The following MPHOSPH9 variants were observed in gnomAD, a reference collection of about 807,000 sequenced individuals.
MPHOSPH9 encodes the protein M-phase phosphoprotein 9.
In MPHOSPH9, 88 loss-of-function variants were observed where a neutral mutation model predicts 145.5. The ratio of observed to expected loss-of-function variants is 0.60; its 90% CI spans 0.51 to 0.72. MPHOSPH9 has a LOEUF of 0.72. MPHOSPH9 is among the 30% of genes least tolerant of loss of function. MPHOSPH9 has a pLI of 0.00. For synonymous variants in MPHOSPH9, 435 were observed against 486.2 expected (o/e 0.89, Z 1.39); for missense variants, 1,238 against 1,386.6 (o/e 0.89, Z 1.70).
At chr12:123,183,152 C>T (rs1374402078) in intron 13 of MPHOSPH9, among the ~76,000 whole-genome samples, 2 of 151,906 alleles carry the variant, frequency 1.3e-5, no homozygotes, top group Admixed American at 6.6e-5. Flanking sequence ...TTCTCTTCAC[C>T]CTCAGAGTCC....
chr12:123,193,144 C>T (rs1157884192), intron 13 of MPHOSPH9, among the ~76,000 whole-genome samples: 1 of 144,038 alleles, frequency 6.9e-6, no homozygotes, highest in African/African-American at 2.6e-5. Flanking sequence ...CACACACACA[C>T]ACACACGAAC....
chr12:123,185,885 G>T (rs576148509), intron 13 of MPHOSPH9, among the ~76,000 whole-genome samples: 1 of 152,198 alleles, frequency 6.6e-6, no homozygotes, highest in Non-Finnish European at 1.5e-5. Context: ...TTACATATTA[G>T]TATTATATCA....
intron 10 of MPHOSPH9, 127 bp downstream of exon 10, chr12:123,202,497 T>C: frequency 8.3e-7 from 1 of 1,210,736 alleles, no homozygotes; most frequent in Non-Finnish European, 1.1e-6. Context: ...AAAGTTTTTA[T>C]ATGCTCCATC....
chr12:123,234,230 G>A (rs1000452532), upstream of MPHOSPH9, among the ~76,000 whole-genome samples: 1 of 152,134 alleles, frequency 6.6e-6, no homozygotes, highest in Non-Finnish European at 1.5e-5. Context: ...TTTACCTCCA[G>A]GAGTTCTGGC....
At chr12:123,183,914 G>A (rs1002288562) in intron 13 of MPHOSPH9, among the ~76,000 whole-genome samples, 1 of 152,080 alleles carries the variant, frequency 6.6e-6, no homozygotes, top group African/African-American at 2.4e-5. Flanking sequence ...AAATGACAAA[G>A]TAAAAGACTT....
chr12:123,198,513 G>A (rs947795489), intron 11 of MPHOSPH9, among the ~76,000 whole-genome samples, 179 bp from the exon 12 acceptor site: 1 of 151,948 alleles, frequency 6.6e-6, no homozygotes, highest in Non-Finnish European at 1.5e-5. Flanking sequence ...AGTATGTAGA[G>A]AAAAGGCTAA....
At chr12:123,152,689 G>A (rs1345078731), downstream of MPHOSPH9, 2 of 417,992 alleles carry the variant, frequency 4.8e-6, no homozygotes, top group Non-Finnish European at 9.6e-6. Context: ...AGAATACTGG[G>A]GTAGTAGTTT....
At chr12:123,192,095 C>T (rs1036745069) in intron 13 of MPHOSPH9, among the ~76,000 whole-genome samples, 3 of 152,152 alleles carry the variant, frequency 2.0e-5, no homozygotes, top group Non-Finnish European at 4.4e-5. Context: ...CACCACAGTA[C>T]ATGCTTCTTT....
chr12:123,221,915 G>C lies in MPHOSPH9; in HGVS notation c.349-20C>G. On this transcript the variant is annotated intron_variant, in intron 4 of 23. Coordinates refer to ENST00000606320, the MANE Select transcript of MPHOSPH9 (RefSeq NM_022782.4). ...TATATGCTGGAAATAAAAAGTTATA[G>C]ATTTGGGTAAGAAAGTATATTAAAC... 7.3e-7 allele frequency: 1 copy of C among 1,368,366 alleles called. No individual in the cohort carries two copies. 84.8% of individuals were successfully genotyped at this position (1,368,366 alleles called of 1,614,324 possible). A position where few individuals can be genotyped will look rare whatever the true frequency, so the allele number is the denominator to read the frequency against.
At chr12:123,164,138 C>T (rs1456942347) in intron 18 of MPHOSPH9, 48 bp from the exon 19 acceptor site, 1 of 1,610,224 alleles carries the variant, frequency 6.2e-7, no homozygotes, top group Non-Finnish European at 8.5e-7. Context: ...TCAAAACAAG[C>T]CTACGCTTCA....
chr12:123,202,279 C>T lies in MPHOSPH9; in HGVS notation c.1822G>A (p.Ala608Thr). 1 of 1,611,912 alleles carries T rather than the reference C, an allele frequency of 6.2e-7. No homozygotes were observed. Among genetic ancestry groups the T allele is most frequent in the Non-Finnish European group, 8.5e-7 (1 of 1,179,546 alleles). The change falls in exon 11 of 24, where the codon GCA becomes ACA. Residue 608 changes from alanine (A) to threonine (T), a missense_variant. Physicochemically the swap from Ala to Thr is moderately conservative, Grantham distance 58 (BLOSUM62 0). This residue lies in a region of MPHOSPH9 where 837 missense variants were observed against 897.5 expected (regional missense o/e 0.93). Coordinates refer to ENST00000606320, the MANE Select transcript of MPHOSPH9 (RefSeq NM_022782.4). ...GATTCATAATAAGCTCGAAGATCTG[C>T]TATGTGTCGAGCATGCTTTTCCTTC... ...NLKEKHARHI[A>T]DLRAYYESEI...
chr12:123,183,381 C>A (rs2045281778), intron 13 of MPHOSPH9, among the ~76,000 whole-genome samples: 1 of 151,652 alleles, frequency 6.6e-6, no homozygotes, highest in Non-Finnish European at 1.5e-5. Flanking sequence ...AACCCCGTCT[C>A]TACTAAAAAT....
At chr12:123,179,780 T>C in intron 15 of MPHOSPH9, 146 bp downstream of exon 15, 1 of 431,266 alleles carries the variant, frequency 2.3e-6, no homozygotes, top group Non-Finnish European at 4.1e-6. Context: ...ATGAAACCTA[T>C]TTCCATGTCA....
rs1491529187 is a variant in MPHOSPH9, at chr12:123,193,110, C to CAT, written c.2241+1275_2241+1276insAT. On this transcript the variant is annotated intron_variant, in intron 13 of 23. Coordinates refer to ENST00000606320, the MANE Select transcript of MPHOSPH9 (RefSeq NM_022782.4). ...AAAAAAAAAAAAATATATATATATA[C>CAT]ACACACACACACACACACACACACA... Among the ~76,000 whole-genome samples, 74 of 45,492 alleles carry CAT rather than the reference C, an allele frequency of 1.6e-3. 1 individual carries two copies. The highest frequency in any genetic ancestry group is 4.4e-3 in the African/African-American group (71 of 16,304). The allele number at this position is 45,492 out of a possible 152,430, so 29.8% of individuals were successfully genotyped here.
chr12:123,196,616 G>A (rs925237684), intron 12 of MPHOSPH9, among the ~76,000 whole-genome samples: 16 of 152,196 alleles, frequency 1.1e-4, no homozygotes, highest in East Asian at 1.9e-4. Context: ...TTGGTAATGC[G>A]TGGGGAAAAA....
At chr12:123,219,502 G>A (rs1048207702) in intron 5 of MPHOSPH9, among the ~76,000 whole-genome samples, 1 of 145,210 alleles carries the variant, frequency 6.9e-6, no homozygotes, top group Admixed American at 7.0e-5. Flanking sequence ...GCAGTGAGCC[G>A]AGATTGCGCC....
chr12:123,184,921 T>C (rs1716159), intron 13 of MPHOSPH9, among the ~76,000 whole-genome samples: 98,171 of 152,062 alleles, frequency 0.65, 36,269 homozygotes, highest in East Asian at 1. Context: ...CTCATGCTTC[T>C]GCCTCCCGAG....
Position 123,200,362 on chromosome 12 carries a change from A to G in MPHOSPH9, c.1937+1802T>C, listed in dbSNP as rs562402126. On this transcript the variant is annotated intron_variant, in intron 11 of 23. Transcript: ENST00000606320. ...TTTTGGGAAGAGGAGAAAATAATGT[A>G]CTGCTATTCATTTTACACAGTGATT... is the stretch of plus-strand genomic sequence containing the variant. Among the ~76,000 whole-genome samples the G allele has an allele frequency of 1.3e-4, 20 of 151,880 alleles. No individual in the cohort carries two copies. The South Asian group carries it at 2.7e-3, about 20-fold the overall frequency.
At chr12:123,216,937 T>C (rs2046989246) in intron 6 of MPHOSPH9, among the ~76,000 whole-genome samples, 1 of 151,806 alleles carries the variant, frequency 6.6e-6, no homozygotes, top group Admixed American at 6.6e-5. Context: ...TGCAGTGAGC[T>C]GAGATTATGT....
Sources: allele counts gnomAD v4.1 joint callset (sites outside exome capture counted in the v4.1 genomes callset), GRCh38; gene constraint gnomAD v4.1.1; regional missense constraint gnomAD v4.1.1; transcripts MANE v1.5; gene names NCBI Gene and HGNC (gene_info 2026-07-23, HGNC 2026-07-21).